The following NOS1 variants were observed in gnomAD, a reference collection of about 807,000 sequenced individuals.
The protein encoded by NOS1 is NOS type I.
Under a neutral mutation model 164.5 loss-of-function variants are expected in NOS1, and 51 were observed. That is an observed-to-expected ratio of 0.31 (90% CI 0.25 to 0.39). The LOEUF (loss-of-function observed/expected upper bound fraction) is 0.39. Among genes scored for constraint, NOS1 ranks in the 10% least tolerant of loss-of-function variants. NOS1 has a pLI of 1.00. For synonymous variants in NOS1, 719 were observed against 745.8 expected, an observed-to-expected ratio of 0.96 and a Z score of 0.59; for missense variants, 1,362 against 1,885.6, an observed-to-expected ratio of 0.72 and a Z score of 5.14.
intron 12 of NOS1, among the ~76,000 whole-genome samples, chr12:117,264,786 A>G (rs1053259473): frequency 8.7e-5 from 13 of 149,822 alleles, no homozygotes; most frequent in African/African-American, 3.2e-4. Context: ...GTGGCTTGAT[A>G]TCGGCTCACT....
intron 20 of NOS1, 73 bp downstream of exon 20, chr12:117,242,554 C>T: frequency 1.6e-6 from 2 of 1,251,980 alleles, no homozygotes; most frequent in South Asian, 1.2e-5. Context: ...TTGGAGTCCA[C>T]AGGGCTTGTC....
chr12:117,213,455 T>C lies in NOS1; in HGVS notation c.*1854A>G. 1 of 985,472 alleles carries C rather than the reference T, an allele frequency of 1.0e-6. No individual in the cohort carries two copies. Among genetic ancestry groups the C allele is most frequent in the Non-Finnish European group, 1.2e-6 (1 of 830,008 alleles). 61.0% of individuals were successfully genotyped at this position (985,472 alleles called of 1,614,324 possible). A position where few individuals can be genotyped will look rare whatever the true frequency, so the allele number is the denominator to read the frequency against. ...AAAGGAAGGCAGGGGAGATTATAGC[T>C]GGCATGAAGTCAAGCTCCATGTGGC... is the stretch of plus-strand genomic sequence containing the variant. On this transcript the variant is annotated 3_prime_UTR_variant, in exon 29 of 29. Transcript: ENST00000317775.
At chr12:117,274,314 A>G (rs1873008507) in intron 9 of NOS1, among the ~76,000 whole-genome samples, 1 of 152,198 alleles carries the variant, frequency 6.6e-6, no homozygotes, top group Non-Finnish European at 1.5e-5. Flanking sequence ...AAAAAATAAC[A>G]AATGCTGGCA....
intron 23 of NOS1, 35 bp from the exon 24 acceptor site, chr12:117,226,805 C>T (rs749286580): frequency 5.1e-6 from 8 of 1,568,290 alleles, no homozygotes; most frequent in Non-Finnish European, 7.0e-6. Context: ...GGGCCACCCA[C>T]TGCTCCCGAG....
intron 2 of NOS1, among the ~76,000 whole-genome samples, chr12:117,320,189 A>G (rs1242766653): frequency 3.3e-5 from 5 of 152,108 alleles, no homozygotes; most frequent in Non-Finnish European, 7.4e-5. Context: ...AAACCCTTGA[A>G]CCTGTATATG....
At chr12:117,245,423 G>A (rs1870542116) in intron 18 of NOS1, 1 of 152,190 alleles carries the variant, frequency 6.6e-6, no homozygotes, top group South Asian at 2.1e-4. Context: ...GAAAGGTTCT[G>A]CACTGTCTAA....
intron 10 of NOS1, 125 bp from the exon 11 acceptor site, chr12:117,268,269 C>T (rs555427695): frequency 5.7e-5 from 39 of 680,144 alleles, no homozygotes; most frequent in Middle Eastern, 6.6e-4. Context: ...CTCGCTCTGT[C>T]GCACAGGCTG....
intron 16 of NOS1, among the ~76,000 whole-genome samples, chr12:117,254,436 C>T (rs891114868): frequency 2.0e-5 from 3 of 152,162 alleles, no homozygotes; most frequent in African/African-American, 7.2e-5. Context: ...GTACAAGAAT[C>T]ATCCTGGGAT....
chr12:117,349,592 A>G (rs1251578995), intron 1 of NOS1, among the ~76,000 whole-genome samples: 2 of 152,248 alleles, frequency 1.3e-5, no homozygotes, highest in African/African-American at 4.8e-5. Context: ...TTTTACCTCA[A>G]TGAAATAAAA....
At chr12:117,245,227 A>T (rs1251259628) in intron 18 of NOS1, among the ~76,000 whole-genome samples, 1 of 152,142 alleles carries the variant, frequency 6.6e-6, no homozygotes, top group African/African-American at 2.4e-5. Flanking sequence ...TGCTGAGGAG[A>T]ATGTATTCCA....
At chr12:117,227,088 C>T (rs921252074) in intron 23 of NOS1, among the ~76,000 whole-genome samples, 1 of 152,114 alleles carries the variant, frequency 6.6e-6, no homozygotes, top group Non-Finnish European at 1.5e-5. Context: ...AGGAAAAATA[C>T]AGGGCAGAGC....
intron 1 of NOS1, among the ~76,000 whole-genome samples, chr12:117,346,478 A>G (rs935333639): frequency 6.6e-6 from 1 of 152,210 alleles, no homozygotes; most frequent in African/African-American, 2.4e-5. Flanking sequence ...CTCAGAAAAC[A>G]AAAACAAAAA....
At chr12:117,290,576 G>T in intron 3 of NOS1, 150 bp from the exon 4 acceptor site, 1 of 971,420 alleles carries the variant, frequency 1.0e-6, no homozygotes, top group Non-Finnish European at 1.5e-6. Context: ...AGCCCTTCCT[G>T]CTTGACATGT....
chr12:117,270,670 G>A (rs536243997), intron 10 of NOS1, among the ~76,000 whole-genome samples: 20 of 152,160 alleles, frequency 1.3e-4, no homozygotes, highest in Non-Finnish European at 2.4e-4. Flanking sequence ...AAATCCCCAA[G>A]TGCAACTTGA....
intron 20 of NOS1, among the ~76,000 whole-genome samples, chr12:117,236,654 G>A (rs566981583): frequency 6.7e-4 from 102 of 152,300 alleles, no homozygotes; most frequent in African/African-American, 2.4e-3. Context: ...CGCAGAAGCC[G>A]GGGCCAGCAG....
At chr12:117,314,291 G>A (rs1874578567) in intron 2 of NOS1, among the ~76,000 whole-genome samples, 1 of 152,224 alleles carries the variant, frequency 6.6e-6, no homozygotes, top group Admixed American at 6.5e-5. Context: ...GTAAACAGAA[G>A]TATGGTCTGT....
intron 16 of NOS1, among the ~76,000 whole-genome samples, chr12:117,256,216 C>G (rs1345449633): frequency 6.6e-6 from 1 of 151,156 alleles, no homozygotes; most frequent in African/African-American, 2.4e-5. Context: ...GGTCAGTCTC[C>G]TGGGTATCAA....
chr12:117,337,404 C>A (rs1239024408), intron 1 of NOS1, among the ~76,000 whole-genome samples: 2 of 152,156 alleles, frequency 1.3e-5, no homozygotes, highest in African/African-American at 4.8e-5. Context: ...GCTTGAGCCA[C>A]CGTGCCCGGC....
In NOS1 at chr12:117,267,998, C is replaced by T. The variant is rs772541805; in HGVS notation, c.1941+45G>A. 1.1e-5 allele frequency: 15 copies of T among 1,373,558 alleles called. 1 individual carries two copies. In the East Asian group the frequency reaches 1.4e-4, roughly 13 times the overall value. 85.1% of individuals were successfully genotyped at this position (1,373,558 alleles called of 1,614,324 possible). ...GCATCAAGGCTCTGAAAGGTTTGAA[C>T]TCTCATTTGAAGCTTGACCCTGGTG... On this transcript the variant is annotated intron_variant, in intron 11 of 28. Transcript: ENST00000317775.
Sources: gnomAD v4.1 joint callset for allele counts (sites outside exome capture counted in the v4.1 genomes callset) on GRCh38, gnomAD v4.1.1 for gene constraint, MANE v1.5 for transcripts, NCBI Gene and HGNC (gene_info 2026-07-23, HGNC 2026-07-21) for gene names.